ANK2: variants seen among roughly 807,000 people sequenced by gnomAD.
ANK2 encodes the protein ankyrin 2, also known as ankyrin-2.
In ANK2, 83 loss-of-function variants were observed where a neutral mutation model predicts 360.5. The ratio of observed to expected loss-of-function variants is 0.23; its 90% confidence interval spans 0.19 to 0.28. ANK2 has a LOEUF of 0.28. Ranked by LOEUF, ANK2 falls within the 10% of genes least tolerant of loss-of-function variation. The pLI, the probability that ANK2 is intolerant of heterozygous loss-of-function variation, is 1.00. For synonymous variants in ANK2, 1,740 were observed against 1,759.5 expected (o/e 0.99, Z 0.28); for missense variants, 4,201 against 4,795.7 (o/e 0.88, Z 3.66).
chr4:113,191,926 C>T (rs905225345), intron 2 of ANK2, among the ~76,000 whole-genome samples: 4 of 152,154 alleles, frequency 2.6e-5, no homozygotes, highest in East Asian at 1.9e-4. Context: ...AATGTGGACA[C>T]GATTTAGCCA....
chr4:112,886,576 C>T lies in ANK2; in HGVS notation c.-39-17879C>T, dbSNP rs550986242. Among the ~76,000 whole-genome samples, 5 of 152,154 alleles carry T rather than the reference C, an allele frequency of 3.3e-5. No homozygotes were observed. The South Asian group carries it at 6.2e-4, about 19-fold the overall frequency. On this transcript the variant is annotated intron_variant, in intron 1 of 30. Coordinates refer to the ANK2 transcript ENST00000503271. ...ACTCAGGAAGCTGAGGCAGGAGAAT[C>T]GCTTGAACCTGGGAAGTGGAAGTTG...
chr4:112,829,578 A>G (rs1327622777), intron 1 of ANK2, among the ~76,000 whole-genome samples: 2 of 151,786 alleles, frequency 1.3e-5, no homozygotes, highest in Non-Finnish European at 2.9e-5. Flanking sequence ...GGCATATGAA[A>G]AAAATTCTCA....
At chr4:113,366,726 G>A (rs1427552625) in intron 41 of ANK2, among the ~76,000 whole-genome samples, 3 of 152,076 alleles carry the variant, frequency 2.0e-5, no homozygotes, top group East Asian at 1.9e-4. Context: ...AGCCTTTCCT[G>A]ACAAGTCTAT....
intron 2 of ANK2, among the ~76,000 whole-genome samples, chr4:112,957,241 A>T (rs1454004762): frequency 6.6e-6 from 1 of 151,834 alleles, no homozygotes; most frequent in African/African-American, 2.4e-5. Flanking sequence ...GCCTTCAAGC[A>T]TCTGTTTAAC....
Position 113,354,234 on chromosome 4 carries a change from G to A in ANK2, c.5616G>A (p.Ser1872=), listed in dbSNP as rs761557717. Reference sequence around the variant, plus strand: ...AAAGACATTCACCTGCGTCATCATCGAGTAAAACTGAGAAACACTCACCTG... The same window carrying A: ...AAAGACATTCACCTGCGTCATCATCAAGTAAAACTGAGAAACACTCACCTG... The part of the protein sequence containing the change: ...KTERHSPASS[S]SKTEKHSPVS... The change falls in exon 38 of 46, where the codon TCG becomes TCA. Residue 1872 remains serine, a synonymous_variant. Transcript: ENST00000357077. 7 of 1,613,580 alleles carry A rather than the reference G, an allele frequency of 4.3e-6. No individual in the cohort carries two copies. Among genetic ancestry groups the A allele is most frequent in the Middle Eastern group, 1.7e-4 (1 of 6,058 alleles).
intron 4 of ANK2, among the ~76,000 whole-genome samples, chr4:113,222,569 TA>T (rs145576981): frequency 0.028 from 4,204 of 151,960 alleles, 98 homozygotes; most frequent in East Asian, 0.068. Context: ...GCTGAGGGAG[TA>T]AAAAGAGTAC....
intron 1 of ANK2, among the ~76,000 whole-genome samples, chr4:112,843,901 GT>G (rs2062721662): frequency 6.6e-6 from 1 of 151,942 alleles, no homozygotes; most frequent in Non-Finnish European, 1.5e-5. Context: ...CAGAACTTAG[GT>G]TTTTTTGGAC....
At chr4:113,318,473 T>G in intron 25 of ANK2, 44 bp from the exon 26 acceptor site, 1 of 1,492,820 alleles carries the variant, frequency 6.7e-7, no homozygotes, top group Non-Finnish European at 9.3e-7. Flanking sequence ...TTACTTTAAT[T>G]GAAGCAAAGT....
chr4:112,790,401 C>T, the ANK2 span, among the ~76,000 whole-genome samples: 4 of 152,040 alleles, frequency 2.6e-5, no homozygotes, highest in African/African-American at 7.2e-5. Context: ...GATTTCTGAG[C>T]CGGATGACCG....
intron 43 of ANK2, among the ~76,000 whole-genome samples, chr4:113,371,517 A>T (rs2096738239): frequency 6.6e-6 from 1 of 152,222 alleles, no homozygotes; most frequent in Non-Finnish European, 1.5e-5. Context: ...ACATATGTTT[A>T]ATCTATACTA....
chr4:113,267,999 T>A (rs1003644151), intron 14 of ANK2, among the ~76,000 whole-genome samples: 6 of 152,286 alleles, frequency 3.9e-5, no homozygotes, highest in African/African-American at 1.4e-4. Flanking sequence ...GGTATTTTAT[T>A]CTCTTTGTAG....
At chr4:112,993,232 C>T (rs1468850826) in intron 2 of ANK2, among the ~76,000 whole-genome samples, 3 of 151,992 alleles carry the variant, frequency 2.0e-5, no homozygotes, top group African/African-American at 7.2e-5. Flanking sequence ...TACGGTGAGC[C>T]ATGTTTGTGA....
At chr4:113,045,958 G>A (rs936824951), upstream of ANK2, among the ~76,000 whole-genome samples, 8 of 152,232 alleles carry the variant, frequency 5.3e-5, no homozygotes, top group African/African-American at 1.9e-4. Flanking sequence ...CCTATTATAT[G>A]CCATGCACTG....
chr4:113,112,353 G>A (rs1284336674), intron 1 of ANK2, among the ~76,000 whole-genome samples: 2 of 152,186 alleles, frequency 1.3e-5, no homozygotes, highest in African/African-American at 4.8e-5. Context: ...CACAAGCTGG[G>A]CTGTTGCACA....
At chr4:113,180,732 G>A (rs188343839) in intron 2 of ANK2, among the ~76,000 whole-genome samples, 31 of 152,204 alleles carry the variant, frequency 2.0e-4, no homozygotes, top group African/African-American at 7.5e-4. Context: ...ATGAATAGGG[G>A]AGAATTAAAT....
At chr4:112,906,088 A>T (rs1247324749) in intron 2 of ANK2, among the ~76,000 whole-genome samples, 1 of 152,214 alleles carries the variant, frequency 6.6e-6, no homozygotes, top group Non-Finnish European at 1.5e-5. Context: ...TAAGTCAGAA[A>T]TTGGATAGAT....
At chr4:112,791,476 CTTCTTTTTTTTTTTTT>C in the ANK2 span, among the ~76,000 whole-genome samples, 1 of 98,278 alleles carries the variant, frequency 1.0e-5, no homozygotes, top group African/African-American at 4.7e-5. Flanking sequence ...TCTTCTTCTT[CTTCTTTTTTTTTTTTT>C]TTTTTTTTTT....
intron 1 of ANK2, chr4:113,152,293 G>A (rs1458793387): frequency 6.6e-6 from 1 of 152,076 alleles, no homozygotes. Context: ...CCTGTGTGAT[G>A]ATGGAGCTGG....
upstream of ANK2, among the ~76,000 whole-genome samples, chr4:113,046,878 C>T (rs1415793399): frequency 6.6e-6 from 1 of 152,162 alleles, no homozygotes; most frequent in Non-Finnish European, 1.5e-5. Flanking sequence ...AGAACATAAT[C>T]AGAAGTTACT....
Sources: allele counts gnomAD v4.1 joint callset (sites outside exome capture counted in the v4.1 genomes callset), GRCh38; gene constraint gnomAD v4.1.1; transcripts MANE v1.5; gene names NCBI Gene and HGNC (gene_info 2026-07-23, HGNC 2026-07-21).